LPP: variants seen among roughly 807,000 people sequenced by gnomAD.
LPP encodes lipoma-preferred partner.
LPP carries 38 observed loss-of-function variants against 60.4 expected under a neutral mutation model. That is an observed-to-expected ratio of 0.63 (90% CI 0.49 to 0.83). The LOEUF (loss-of-function observed/expected upper bound fraction) is 0.83. LPP is among the 40% of genes least tolerant of loss of function. The pLI, the probability that LPP is intolerant of heterozygous loss-of-function variation, is 0.00. For missense variants in LPP, 902 were observed against 783.6 expected (o/e 1.15, Z -1.80); for synonymous variants, 328 against 290.8 (o/e 1.13, Z -1.30).
At chr3:188,528,693 A>G (rs1821337800) in intron 6 of LPP, among the ~76,000 whole-genome samples, 1 of 152,058 alleles carries the variant, frequency 6.6e-6, no homozygotes, top group Admixed American at 6.5e-5. Flanking sequence ...TGAAACTAAG[A>G]CTCACCAAGA....
intron 5 of LPP, among the ~76,000 whole-genome samples, chr3:188,501,923 AAAC>A (rs1364155281): frequency 2.0e-5 from 3 of 152,106 alleles, no homozygotes; most frequent in Non-Finnish European, 4.4e-5. Context: ...TTAAAAAAAA[AAAC>A]AAACAAGTAT....
At chr3:188,872,055 A>T (rs558521617) in intron 10 of LPP, among the ~76,000 whole-genome samples, 1 of 152,342 alleles carries the variant, frequency 6.6e-6, no homozygotes, top group East Asian at 1.9e-4. Flanking sequence ...AAATGTAGGA[A>T]ATGCAGACTT....
chr3:188,350,496 A>G (rs1405415665), intron 3 of LPP, among the ~76,000 whole-genome samples: 1 of 152,224 alleles, frequency 6.6e-6, no homozygotes, highest in Non-Finnish European at 1.5e-5. Context: ...AATCACAGAC[A>G]TGTGTAGCTG....
At chr3:188,237,136 C>T (rs1174678062) in intron 2 of LPP, among the ~76,000 whole-genome samples, 1 of 152,140 alleles carries the variant, frequency 6.6e-6, no homozygotes, top group African/African-American at 2.4e-5. Flanking sequence ...ATTTCCATCT[C>T]AGGAAACCAT....
At chr3:188,616,140 T>C (rs941518595) in intron 7 of LPP, among the ~76,000 whole-genome samples, 2 of 152,162 alleles carry the variant, frequency 1.3e-5, no homozygotes, top group African/African-American at 4.8e-5. Context: ...GGCGTTTTCA[T>C]CATGAAGCCG....
At chr3:188,301,465 G>A (rs945222263) in intron 2 of LPP, among the ~76,000 whole-genome samples, 4 of 152,118 alleles carry the variant, frequency 2.6e-5, no homozygotes, top group Non-Finnish European at 5.9e-5. Context: ...AATGCCTTTT[G>A]GAGACTGTTA....
chr3:188,374,151 G>C (rs929979625), intron 3 of LPP, among the ~76,000 whole-genome samples: 1 of 151,984 alleles, frequency 6.6e-6, no homozygotes, highest in Non-Finnish European at 1.5e-5. Flanking sequence ...TGATGCCTCT[G>C]GCTTTGTTCT....
intron 4 of LPP, among the ~76,000 whole-genome samples, chr3:188,459,276 A>T (rs949939493): frequency 8.5e-5 from 13 of 152,172 alleles, no homozygotes; most frequent in Non-Finnish European, 1.6e-4. Flanking sequence ...ATTACCTAGA[A>T]AATGGCACCT....
rs1833833836 is a variant in LPP at position 188,572,877 on chromosome 3, A to G, written c.430-36284A>G. ...GTCATTTCCAACACTTTTGACCTCC[A>G]TGCCAGAGTAAAAGAGCTCTGAGGG... On this transcript the variant is annotated intron_variant, in intron 6 of 11. Transcript: ENST00000617246. The surrounding 1 kb of genome is among the most constrained non-coding windows in gnomAD (Gnocchi z 4.1). Among the ~76,000 whole-genome samples the G allele has an allele frequency of 6.6e-6, 1 of 152,122 alleles. No homozygotes were observed.
intron 6 of LPP, among the ~76,000 whole-genome samples, chr3:188,550,241 C>G (rs1827738674): frequency 6.6e-6 from 1 of 151,958 alleles, no homozygotes; most frequent in Admixed American, 6.6e-5. Context: ...CAAACTATAG[C>G]TGAATAAGAA....
At chr3:188,382,731 T>TTTG (rs930167372) in intron 3 of LPP, among the ~76,000 whole-genome samples, 2 of 152,354 alleles carry the variant, frequency 1.3e-5, no homozygotes, top group Non-Finnish European at 1.5e-5. Context: ...TCTTCACTTT[T>TTTG]TTGTTGTTGT....
At chr3:188,480,871 GA>G (rs1804581982) in intron 4 of LPP, among the ~76,000 whole-genome samples, 4 of 152,296 alleles carry the variant, frequency 2.6e-5, no homozygotes, top group Admixed American at 2.0e-4. Flanking sequence ...CCTCCAGAAG[GA>G]TCACCACCTA....
In LPP at chr3:188,785,478, TATATATATTCATC is replaced by T. The variant is rs530685981; in HGVS notation, c.1410+25205_1410+25217del. ...CATCATATATATATATTCCATCATA[TATATATATTCATC>T]ATATATATATATTCCATCATATATA... On this transcript the variant is annotated intron_variant, in intron 9 of 11. Coordinates refer to ENST00000617246, the MANE Select transcript of LPP (RefSeq NM_001375462.1). 4.0e-4 allele frequency among the ~76,000 whole-genome samples: 14 copies of T among 35,342 alleles called. 2 individuals are homozygous for T. The East Asian group carries it at 6.5e-3, about 16-fold the overall frequency. 23.2% of individuals were successfully genotyped at this position (35,342 alleles called of 152,430 possible). A position where few individuals can be genotyped will look rare whatever the true frequency, so the allele number is the denominator to read the frequency against.
intron 3 of LPP, among the ~76,000 whole-genome samples, chr3:188,347,443 C>T (rs188517334): frequency 2.0e-5 from 3 of 152,164 alleles, no homozygotes; most frequent in Non-Finnish European, 2.9e-5. Context: ...CTTCAAACTT[C>T]TGTCAGGTTA....
intron 7 of LPP, among the ~76,000 whole-genome samples, chr3:188,696,921 A>T (rs1256348572): frequency 6.6e-6 from 1 of 152,186 alleles, no homozygotes; most frequent in African/African-American, 2.4e-5. Context: ...AATTTAATAT[A>T]GATTTCATAG....
At chr3:188,769,635 A>C (rs542576811) in intron 9 of LPP, among the ~76,000 whole-genome samples, 2 of 152,274 alleles carry the variant, frequency 1.3e-5, no homozygotes, top group Admixed American at 6.5e-5. Flanking sequence ...AATCCCAAGA[A>C]AGCTGAGTGT....
chr3:188,242,484 C>T (rs1359499840), intron 2 of LPP, among the ~76,000 whole-genome samples: 1 of 152,062 alleles, frequency 6.6e-6, no homozygotes, highest in African/African-American at 2.4e-5. Flanking sequence ...CTGTCATAGC[C>T]ACCTGTGTGA....
intron 5 of LPP, among the ~76,000 whole-genome samples, chr3:188,493,710 G>T (rs962097572): frequency 2.6e-5 from 4 of 152,074 alleles, no homozygotes; most frequent in South Asian, 2.1e-4. Context: ...CTCTCAAAGT[G>T]CTGGGTTTAC....
intron 2 of LPP, among the ~76,000 whole-genome samples, chr3:188,322,569 C>T (rs144698722): frequency 2.0e-5 from 3 of 152,076 alleles, no homozygotes; most frequent in Non-Finnish European, 4.4e-5. Flanking sequence ...TTTAAAAAGG[C>T]CTTTTGGTTA....
Sources: gnomAD v4.1 joint callset for allele counts (sites outside exome capture counted in the v4.1 genomes callset) on GRCh38, gnomAD v4.1.1 for gene constraint, Gnocchi (gnomAD v3.1) non-coding constraint, MANE v1.5 for transcripts, NCBI Gene and HGNC (gene_info 2026-07-23, HGNC 2026-07-21) for gene names.